MME: variants seen among roughly 807,000 people sequenced by gnomAD.
MME encodes membrane metalloendopeptidase, also known as neprilysin.
In MME, 98 loss-of-function variants were observed where a neutral mutation model predicts 113.2. The ratio of observed to expected loss-of-function variants is 0.87; its 90% confidence interval spans 0.74 to 1.02. The LOEUF (loss-of-function observed/expected upper bound fraction) is 1.02. MME is among the 50% of genes least tolerant of loss of function. The pLI is 0.00. For missense variants in MME, 836 were observed against 896.0 expected (o/e 0.93, Z 0.86); for synonymous variants, 292 against 300.6 (o/e 0.97, Z 0.30).
At chr3:155,057,925 T>C (rs957609164) in intron 1 of MME, among the ~76,000 whole-genome samples, 12 of 152,278 alleles carry the variant, frequency 7.9e-5, no homozygotes, top group African/African-American at 2.4e-4. Flanking sequence ...AATTATTCTT[T>C]TGTACATCTT....
At chr3:155,028,503 T>A (rs1469670944) in intron 1 of MME, among the ~76,000 whole-genome samples, 1 of 152,230 alleles carries the variant, frequency 6.6e-6, no homozygotes, top group African/African-American at 2.4e-5. Context: ...GATGCTGTAC[T>A]ACCTGCTTTC....
chr3:155,084,758 TA>T (rs960895768), intron 2 of MME, among the ~76,000 whole-genome samples: 4 of 152,160 alleles, frequency 2.6e-5, no homozygotes, highest in Non-Finnish European at 5.9e-5. Flanking sequence ...GTTTAATGGT[TA>T]AAAAAATGAT....
At chr3:155,092,973 A>T (rs751588261) in intron 3 of MME, among the ~76,000 whole-genome samples, 1 of 152,008 alleles carries the variant, frequency 6.6e-6, no homozygotes, top group South Asian at 2.1e-4. Context: ...GATTGTGGTG[A>T]TGGTTGCACA....
chr3:155,124,750 C>G (rs1170257139), intron 8 of MME, among the ~76,000 whole-genome samples: 2 of 151,038 alleles, frequency 1.3e-5, no homozygotes, highest in African/African-American at 2.4e-5. Context: ...GGGTCAGGGA[C>G]CCACTTGAGG....
chr3:155,141,433 C>T (rs552579942), intron 10 of MME, among the ~76,000 whole-genome samples: 3 of 152,198 alleles, frequency 2.0e-5, no homozygotes, highest in South Asian at 4.1e-4. Flanking sequence ...TTGGCAACTC[C>T]GTACTTAGCT....
chr3:155,125,520 C>T (rs6804455), intron 8 of MME, among the ~76,000 whole-genome samples: 194 of 138,172 alleles, frequency 1.4e-3, no homozygotes, highest in African/African-American at 5.2e-3. Context: ...AGTGCAGTGG[C>T]GCAATCTTGG....
At chr3:155,032,167 T>C (rs1325108481) in intron 1 of MME, among the ~76,000 whole-genome samples, 1 of 152,224 alleles carries the variant, frequency 6.6e-6, no homozygotes, top group Non-Finnish European at 1.5e-5. Flanking sequence ...CGATAGTCCA[T>C]AATTTAGATT....
chr3:155,071,299 T>C (rs1714544665), intron 1 of MME, among the ~76,000 whole-genome samples: 1 of 152,170 alleles, frequency 6.6e-6, no homozygotes, highest in African/African-American at 2.4e-5. Flanking sequence ...GCGTAGCACG[T>C]GCAGCATGTT....
chr3:155,062,658 T>C (rs1696287497), intron 1 of MME, among the ~76,000 whole-genome samples: 1 of 152,156 alleles, frequency 6.6e-6, no homozygotes, highest in Admixed American at 6.5e-5. Context: ...TATCCAGAAG[T>C]AATGATATTA....
At position 155,081,367 on chromosome 3, in the gene MME, T is replaced by C. The variant is rs377590198; in HGVS notation, c.-11+901T>C. Reference sequence around the variant, plus strand: ...GCTCAACTGGTATAAGAATTGCTGCTTTACATTGCTTTGAAATTAAGCTTA... The same window carrying C: ...GCTCAACTGGTATAAGAATTGCTGCCTTACATTGCTTTGAAATTAAGCTTA... On this transcript the variant is annotated intron_variant, in intron 1 of 22. Coordinates refer to ENST00000360490, the MANE Select transcript of MME (RefSeq NM_007289.4). 8.5e-5 allele frequency: 13 copies of C among 152,348 alleles called. No individual in the cohort carries two copies. The East Asian group carries it at 2.5e-3, about 29-fold the overall frequency. 9.4% of individuals were successfully genotyped at this position (152,348 alleles called of 1,614,324 possible). A position where few individuals can be genotyped will look rare whatever the true frequency, so the allele number is the denominator to read the frequency against.
At chr3:155,148,012 C>G (rs1721652072) in intron 15 of MME, among the ~76,000 whole-genome samples, 1 of 152,152 alleles carries the variant, frequency 6.6e-6, no homozygotes, top group South Asian at 2.1e-4. Context: ...CGAACACAGA[C>G]TCAAAACCAA....
intron 3 of MME, among the ~76,000 whole-genome samples, chr3:155,100,344 A>G (rs1471719471): frequency 1.3e-5 from 2 of 151,994 alleles, no homozygotes; most frequent in African/African-American, 2.4e-5. Flanking sequence ...AATCAAAACC[A>G]CAATGAGATA....
chr3:155,151,199 C>G (rs1458953447), intron 16 of MME, among the ~76,000 whole-genome samples: 4 of 152,100 alleles, frequency 2.6e-5, no homozygotes, highest in Non-Finnish European at 5.9e-5. Context: ...TCCACATAGC[C>G]CGTAGTTACA....
intron 17 of MME, among the ~76,000 whole-genome samples, chr3:155,161,355 T>C (rs1180636043): frequency 6.6e-6 from 1 of 152,120 alleles, no homozygotes; most frequent in Non-Finnish European, 1.5e-5. Context: ...CTAAACGTGG[T>C]CTAGAATTAA....
At position 155,180,462 on chromosome 3, in the gene MME, T is replaced by C. The variant is rs768475976; in HGVS notation, c.*3T>C. On this transcript the variant is annotated 3_prime_UTR_variant, in exon 23 of 23. Transcript: ENST00000360490. ...AAAAGAAGTGCCGGGTTTGGTGATC[T>C]TCAAAAGAAGCATTGCAGCCCTTGG... The C allele has an allele frequency of 6.2e-7, 1 of 1,610,466 alleles. No homozygotes were observed. The highest frequency in any genetic ancestry group is 8.5e-7 in the Non-Finnish European group (1 of 1,176,832).
At chr3:155,177,169 G>T (rs1043589860) in intron 22 of MME, among the ~76,000 whole-genome samples, 1 of 152,050 alleles carries the variant, frequency 6.6e-6, no homozygotes, top group Non-Finnish European at 1.5e-5. Flanking sequence ...CATTATTACC[G>T]AAGTACTTGT....
chr3:155,051,907 G>C (rs1327532341), intron 1 of MME, among the ~76,000 whole-genome samples: 8 of 152,176 alleles, frequency 5.3e-5, no homozygotes, highest in Non-Finnish European at 1.0e-4. Context: ...CTATGAGCCA[G>C]TAAAATTAAG....
At chr3:155,137,252 G>A (rs371950149) in intron 8 of MME, among the ~76,000 whole-genome samples, 2 of 152,154 alleles carry the variant, frequency 1.3e-5, no homozygotes, top group African/African-American at 4.8e-5. Flanking sequence ...AAACCTACAG[G>A]TGTGTGTTGG....
At chr3:155,040,625 C>T (rs986084396) in intron 1 of MME, among the ~76,000 whole-genome samples, 4 of 151,616 alleles carry the variant, frequency 2.6e-5, no homozygotes, top group East Asian at 3.9e-4. Flanking sequence ...AAGGACAGTA[C>T]AGTAGATGTA....
Sources: allele counts gnomAD v4.1 joint callset (sites outside exome capture counted in the v4.1 genomes callset), GRCh38; gene constraint gnomAD v4.1.1; transcripts MANE v1.5; gene names NCBI Gene and HGNC (gene_info 2026-07-23, HGNC 2026-07-21).